Variants in KCNB2 observed in about 807,000 individuals in gnomAD.
KCNB2 encodes delayed rectifier potassium channel protein.
Under a neutral mutation model 61.5 loss-of-function variants are expected in KCNB2, and 15 were observed. That is an observed-to-expected ratio of 0.24 (90% CI 0.16 to 0.38). The LOEUF (loss-of-function observed/expected upper bound fraction) is 0.38, where lower values mean the gene tolerates loss of function less well. KCNB2 is among the 10% of genes least tolerant of loss of function. The pLI is 1.00. For synonymous variants in KCNB2, 457 were observed against 446.0 expected (o/e 1.02, Z -0.31); for missense variants, 828 against 1,125.2 (o/e 0.74, Z 3.78).
At chr8:72,859,582 G>T (rs1159758669) in intron 2 of KCNB2, among the ~76,000 whole-genome samples, 1 of 151,506 alleles carries the variant, frequency 6.6e-6, no homozygotes, top group African/African-American at 2.4e-5. Context: ...CTCTAGATTT[G>T]CCTATTCTCG....
chr8:72,874,896 C>T (rs1486631687), intron 2 of KCNB2: 1 of 152,234 alleles, frequency 6.6e-6, no homozygotes, highest in South Asian at 2.1e-4. Context: ...CTTTCAATTA[C>T]CTAGTCTGCT....
chr8:72,591,854 C>A (rs1807105253), intron 2 of KCNB2, among the ~76,000 whole-genome samples: 1 of 152,038 alleles, frequency 6.6e-6, no homozygotes, highest in Non-Finnish European at 1.5e-5. Context: ...TTATTTTATG[C>A]AAAGTTTTTC....
intron 2 of KCNB2, among the ~76,000 whole-genome samples, chr8:72,768,137 A>AATATTTC (rs1160963826): frequency 6.6e-6 from 1 of 152,112 alleles, no homozygotes; most frequent in Non-Finnish European, 1.5e-5. Flanking sequence ...ATGTTGTTCA[A>AATATTTC]ATATTTCATA....
chr8:72,745,663 G>A (rs1023266636), intron 2 of KCNB2, among the ~76,000 whole-genome samples: 11 of 152,124 alleles, frequency 7.2e-5, no homozygotes, highest in Non-Finnish European at 1.6e-4. Flanking sequence ...ACTGTCCAGA[G>A]TTTTTAATGG....
intron 2 of KCNB2, among the ~76,000 whole-genome samples, chr8:72,749,037 T>C (rs1808136478): frequency 6.6e-6 from 1 of 152,186 alleles, no homozygotes; most frequent in Non-Finnish European, 1.5e-5. Context: ...CTGATGTACA[T>C]AATGTGTATA....
At chr8:72,692,933 C>A (rs2252201) in intron 2 of KCNB2, among the ~76,000 whole-genome samples, 35,766 of 151,582 alleles carry the variant, frequency 0.24, 6,966 homozygotes, top group African/African-American at 0.54. Context: ...AATAATAATA[C>A]TGCTGGTAAC....
intron 2 of KCNB2, among the ~76,000 whole-genome samples, chr8:72,569,435 T>G (rs1806677507): frequency 6.6e-6 from 1 of 152,214 alleles, no homozygotes; most frequent in South Asian, 2.1e-4. Context: ...CTAATGCAAA[T>G]GATCATAAAA....
chr8:72,741,468 C>T (rs1563576635), intron 2 of KCNB2, among the ~76,000 whole-genome samples: 1 of 152,076 alleles, frequency 6.6e-6, no homozygotes, highest in African/African-American at 2.4e-5. Flanking sequence ...TGTTTGATTG[C>T]ATGGATAAGT....
chr8:72,719,983 A>G (rs1467945344), intron 2 of KCNB2, among the ~76,000 whole-genome samples: 2 of 152,186 alleles, frequency 1.3e-5, no homozygotes, highest in African/African-American at 2.4e-5. Flanking sequence ...AGCATTCATG[A>G]TGGTGCTCCT....
At chr8:72,925,591 A>C (rs1278671251) in intron 2 of KCNB2, among the ~76,000 whole-genome samples, 1 of 152,150 alleles carries the variant, frequency 6.6e-6, no homozygotes, top group Non-Finnish European at 1.5e-5. Context: ...AACCACAATG[A>C]GATACCAAGC....
At chr8:72,585,934 TA>T (rs1585767546) in intron 2 of KCNB2, among the ~76,000 whole-genome samples, 3 of 152,234 alleles carry the variant, frequency 2.0e-5, no homozygotes, top group Admixed American at 2.0e-4. Flanking sequence ...TTGAAACATT[TA>T]AAAGGGTATG....
chr8:72,561,766 TATATATATATGGATATATATATAC>T lies in KCNB2; in HGVS notation c.-93-5865_-93-5842del, dbSNP rs1563523581. Among the ~76,000 whole-genome samples, 16 of 31,666 alleles carry T rather than the reference TATATATATATGGATATATATATAC, an allele frequency of 5.1e-4. 4 individuals carry two copies. The highest frequency in any genetic ancestry group is 2.4e-3 in the African/African-American group (14 of 5,924). 20.8% of individuals were successfully genotyped at this position (31,666 alleles called of 152,430 possible). ...ATATATGTATATATATATATGGATA[TATATATATATGGATATATATATAC>T]ATATATATATATATGAATGATAGTT... On this transcript the variant is annotated intron_variant, in intron 1 of 2. Transcript: ENST00000523207.
At chr8:72,660,418 T>C (rs954637198) in intron 2 of KCNB2, among the ~76,000 whole-genome samples, 1 of 152,190 alleles carries the variant, frequency 6.6e-6, no homozygotes, top group Non-Finnish European at 1.5e-5. Context: ...TGACTTCCTG[T>C]GCCATCACAA....
chr8:72,725,510 C>CAT (rs774224955), intron 2 of KCNB2, among the ~76,000 whole-genome samples: 2,196 of 58,680 alleles, frequency 0.037, 30 homozygotes, highest in Admixed American at 0.087. Flanking sequence ...TCTTTGTCTT[C>CAT]ATATATATAT....
chr8:72,728,321 T>A (rs1299305572), intron 2 of KCNB2, among the ~76,000 whole-genome samples: 1 of 152,220 alleles, frequency 6.6e-6, no homozygotes, highest in Non-Finnish European at 1.5e-5. Flanking sequence ...TGGCACTCAG[T>A]TATTCCTCAC....
Position 72,568,327 on chromosome 8 carries a change from A to G in KCNB2, c.579+14A>G. 1 of 1,589,830 alleles carries G rather than the reference A, an allele frequency of 6.3e-7. No homozygotes were observed. The highest frequency in any genetic ancestry group is 1.1e-5 in the South Asian group (1 of 87,100). Reference sequence around the variant, plus strand: ...GTGGCTGCAAAGGTATGAAACCCATAGTATTGCTTGCCTGTGTGTGGTCAG... The same window carrying G: ...GTGGCTGCAAAGGTATGAAACCCATGGTATTGCTTGCCTGTGTGTGGTCAG... On this transcript the variant is annotated intron_variant, in intron 2 of 2. Transcript: ENST00000523207.
At chr8:72,564,111 G>A (rs185203015) in intron 1 of KCNB2, among the ~76,000 whole-genome samples, 1 of 152,148 alleles carries the variant, frequency 6.6e-6, no homozygotes, top group Non-Finnish European at 1.5e-5. Flanking sequence ...TATTTTGAAA[G>A]TTAAGTCTTA....
intron 2 of KCNB2, among the ~76,000 whole-genome samples, chr8:72,651,756 A>G (rs1043824663): frequency 2.0e-5 from 3 of 152,116 alleles, no homozygotes; most frequent in Non-Finnish European, 4.4e-5. Context: ...ATGTAACATC[A>G]ATTTATTGTA....
At chr8:72,834,935 T>G (rs1041589253) in intron 2 of KCNB2, among the ~76,000 whole-genome samples, 1 of 152,196 alleles carries the variant, frequency 6.6e-6, no homozygotes, top group Non-Finnish European at 1.5e-5. Flanking sequence ...CTCCAAATAG[T>G]GCCAGTGCTA....
Sources: gnomAD v4.1 joint callset for allele counts (sites outside exome capture counted in the v4.1 genomes callset) on GRCh38, gnomAD v4.1.1 for gene constraint, MANE v1.5 for transcripts, NCBI Gene and HGNC (gene_info 2026-07-23, HGNC 2026-07-21) for gene names.